STARD4: variants seen among roughly 807,000 people sequenced by gnomAD.
STARD4 encodes StAR related lipid transfer domain containing 4.
Under a neutral mutation model 24.9 loss-of-function variants are expected in STARD4, and 33 were observed. The ratio of observed to expected loss-of-function variants is 1.32; its 90% CI spans 1.00 to 1.77. The LOEUF is 1.77. STARD4 is among the 40% of genes most tolerant of loss of function. STARD4 has a pLI of 0.00. For missense variants in STARD4, 238 were observed against 249.3 expected (o/e 0.95, Z 0.31); for synonymous variants, 88 against 77.4 (o/e 1.14, Z -0.72).
chr5:111,512,060 C>G (rs965331693), intron 1 of STARD4, among the ~76,000 whole-genome samples: 3 of 152,216 alleles, frequency 2.0e-5, no homozygotes, highest in Non-Finnish European at 4.4e-5. Flanking sequence ...ACCACCGCCC[C>G]TCTCCCATTT....
At position 111,499,913 on chromosome 5, in the gene STARD4, G is replaced by A. The variant is rs563032310; in HGVS notation, c.591C>T (p.Phe197=). 10 of 1,614,102 alleles carry A rather than the reference G, an allele frequency of 6.2e-6. No individual in the cohort carries two copies. Among genetic ancestry groups the A allele is most frequent in the African/African-American group, 1.3e-5 (1 of 75,034 alleles). ...DTAMASTLTN[F]YGDLRKAL ...ATAAAGCTTTTCGTAAATCACCATA[G>A]AAGTTGGTTAAAGTGCTTGCCATGG... is the stretch of plus-strand genomic sequence containing the variant. The change falls in exon 6 of 6, where the codon TTC becomes TTT. Residue 197 remains phenylalanine, a synonymous_variant. Coordinates refer to ENST00000296632, the MANE Select transcript of STARD4 (RefSeq NM_139164.3).
chr5:111,499,959 G>C lies in STARD4; in HGVS notation c.545C>G (p.Pro182Arg). The C allele has an allele frequency of 6.2e-7, 1 of 1,614,106 alleles. No individual in the cohort carries two copies. The highest frequency in any genetic ancestry group is 1.1e-5 in the South Asian group (1 of 91,080). Residue 182 changes from proline to arginine, a missense_variant, in exon 6 of 6, where the codon CCT becomes CGT. By Grantham distance (103) the Pro-to-Arg change is moderately radical. Coordinates refer to ENST00000296632, the MANE Select transcript of STARD4 (RefSeq NM_139164.3). ...CATGGCTGTATCTACCGCAGACTGA[G>C]GAATCATCCCACGCAGATCTGTCTG... is the stretch of plus-strand genomic sequence containing the variant. ...YIQTDLRGMIPQSAVDTAMAS... is the reference protein window; with the variant it reads ...YIQTDLRGMIRQSAVDTAMAS...
Position 111,501,859 on chromosome 5 carries a change from G to T in STARD4, c.282+103C>A, listed in dbSNP as rs1756474555. On this transcript the variant is annotated intron_variant, in intron 4 of 5. Coordinates refer to ENST00000296632, the MANE Select transcript of STARD4 (RefSeq NM_139164.3). The stretch of plus-strand genomic sequence containing the variant: ...TCGTGACTGCTATTCTCAAAGCAAT[G>T]AATATAAGTGTGTACAAATGCTCAT... 3 of 1,455,936 alleles carry T rather than the reference G, an allele frequency of 2.1e-6. No homozygotes were observed. The South Asian group carries it at 3.8e-5, about 19-fold the overall frequency. 90.2% of individuals were successfully genotyped at this position (1,455,936 alleles called of 1,614,324 possible). A position where few individuals can be genotyped will look rare whatever the true frequency, so the allele number is the denominator to read the frequency against.
chr5:111,512,044 G>A (rs1436972897), intron 1 of STARD4, among the ~76,000 whole-genome samples: 1 of 152,112 alleles, frequency 6.6e-6, no homozygotes, highest in Non-Finnish European at 1.5e-5. Context: ...CAAATCAAGC[G>A]GGATTACCAC....
Position 111,500,986 on chromosome 5 carries a change from A to G in STARD4, c.397+16T>C. On this transcript the variant is annotated intron_variant, in intron 5 of 5. Transcript: ENST00000296632. ...AAACCATACTGAAAAAAAGCATAAC[A>G]TGTTGAGATTATTACCACAAGATAA... is the stretch of plus-strand genomic sequence containing the variant. 6.2e-7 allele frequency: 1 copy of G among 1,613,812 alleles called. No individual in the cohort carries two copies. Among genetic ancestry groups the G allele is most frequent in the South Asian group, 1.1e-5 (1 of 91,058 alleles).
chr5:111,509,426 A>G (rs893835715), intron 1 of STARD4, among the ~76,000 whole-genome samples: 1 of 152,146 alleles, frequency 6.6e-6, no homozygotes, highest in Non-Finnish European at 1.5e-5. Flanking sequence ...TGCAACTTTA[A>G]GGTACTTGAC....
intron 1 of STARD4, among the ~76,000 whole-genome samples, chr5:111,511,708 C>G (rs1294624060): frequency 6.6e-6 from 1 of 152,196 alleles, no homozygotes; most frequent in Non-Finnish European, 1.5e-5. Flanking sequence ...ACTGTGGAAG[C>G]TGATCACAGG....
At chr5:111,500,735 C>T in intron 5 of STARD4, 1 of 1,407,348 alleles carries the variant, frequency 7.1e-7, no homozygotes, top group Non-Finnish European at 9.2e-7. Flanking sequence ...TTTACTAGAA[C>T]CCTTTCTTAG....
At chr5:111,501,256 C>A in intron 4 of STARD4, 140 bp from the exon 5 acceptor site, 1 of 953,962 alleles carries the variant, frequency 1.0e-6, no homozygotes, top group Non-Finnish European at 1.5e-6. Flanking sequence ...CTGATTCTGA[C>A]AGGTCTAGAT....
intron 3 of STARD4, among the ~76,000 whole-genome samples, chr5:111,503,377 T>TC (rs1215034658): frequency 6.6e-6 from 1 of 152,202 alleles, no homozygotes; most frequent in African/African-American, 2.4e-5. Context: ...ATGCCTGTAA[T>TC]CCCAGCACTT....
chr5:111,504,522 C>T lies in STARD4; in HGVS notation c.155+1808G>A, dbSNP rs1756702248. Among the ~76,000 whole-genome samples, 3 of 151,956 alleles carry T rather than the reference C, an allele frequency of 2.0e-5. No individual in the cohort carries two copies. The South Asian group carries it at 6.2e-4, about 32-fold the overall frequency. On this transcript the variant is annotated intron_variant, in intron 3 of 5. Transcript: ENST00000296632. ...CAAAGTATGAAACAGGAACAACACA[C>T]ATAACTTCAGGACAGCAGTTACTTC... is the stretch of plus-strand genomic sequence containing the variant.
At chr5:111,508,097 A>G (rs1756998666) in intron 1 of STARD4, among the ~76,000 whole-genome samples, 1 of 152,158 alleles carries the variant, frequency 6.6e-6, no homozygotes, top group South Asian at 2.1e-4. Flanking sequence ...CTAGATCCCA[A>G]ATCTTAGCAT....
At position 111,507,353 on chromosome 5, in the gene STARD4, A is replaced by G; in HGVS notation, c.81T>C (p.Asp27=). The change falls in exon 2 of 6, where the codon GAT becomes GAC. Residue 27 remains aspartate (D), a synonymous_variant. Coordinates refer to ENST00000296632, the MANE Select transcript of STARD4 (RefSeq NM_139164.3). This position sits in a 1 kb window ranked among gnomAD's most constrained non-coding sequence, Gnocchi z 4.4. ...CCGTTTTCTTAGCAACTCGCCACTTATCTTCTTCAATGCTATGGTACTGGA... is the reference window on the plus strand; with the variant it reads ...CCGTTTTCTTAGCAACTCGCCACTTGTCTTCTTCAATGCTATGGTACTGGA... ...TLIQYHSIEE[D]KWRVAKKTKD... The G allele has an allele frequency of 1.2e-6, 2 of 1,613,150 alleles. No homozygotes were observed. The highest frequency in any genetic ancestry group is 2.2e-5 in the South Asian group (2 of 90,780).
chr5:111,499,075 G>A lies in STARD4; in HGVS notation c.*811C>T, dbSNP rs1380049066. The A allele has an allele frequency of 6.6e-6, 1 of 152,146 alleles. No homozygotes were observed. Among genetic ancestry groups the A allele is most frequent in the African/African-American group, 2.4e-5 (1 of 41,434 alleles). The allele number at this position is 152,146 out of a possible 1,614,324, so 9.4% of individuals were successfully genotyped here. ...ACAACTAACATTAAACACGGAAATG[G>A]ATTTCGAGATGTGTGCATGTACACA... On this transcript the variant is annotated 3_prime_UTR_variant, in exon 6 of 6. Transcript: ENST00000296632.
intron 3 of STARD4, among the ~76,000 whole-genome samples, chr5:111,504,137 T>A (rs751308135): frequency 6.6e-6 from 1 of 152,208 alleles, no homozygotes; most frequent in Non-Finnish European, 1.5e-5. Flanking sequence ...AAGTTGGTAA[T>A]GTCTAGTAAG....
chr5:111,500,295 G>C (rs900027737), intron 5 of STARD4, 189 bp from the exon 6 acceptor site: 49 of 1,329,688 alleles, frequency 3.7e-5, no homozygotes, highest in Non-Finnish European at 4.6e-5. Flanking sequence ...GAGGTTGGCA[G>C]ATAGGTAATG....
chr5:111,506,760 A>G (rs2112565344), intron 2 of STARD4, among the ~76,000 whole-genome samples: 1 of 152,336 alleles, frequency 6.6e-6, no homozygotes, highest in East Asian at 1.9e-4. Context: ...TAAAAAATTA[A>G]ACAATTCACA....
rs747736361 is a variant in STARD4, at chr5:111,498,748, T to C, written c.*1138A>G. ...ACTATGAGATAATTCACCATGAACATTGTGCTGCTGCCACCTTTTGTTTTT... is the reference window on the plus strand; with the variant it reads ...ACTATGAGATAATTCACCATGAACACTGTGCTGCTGCCACCTTTTGTTTTT... On this transcript the variant is annotated 3_prime_UTR_variant, in exon 6 of 6. Coordinates refer to ENST00000296632, the MANE Select transcript of STARD4 (RefSeq NM_139164.3). The C allele has an allele frequency of 3.9e-5, 6 of 152,292 alleles. No individual in the cohort carries two copies. The highest frequency in any genetic ancestry group is 3.3e-4 in the Admixed American group (5 of 15,282). The allele number at this position is 152,292 out of a possible 1,614,324, so 9.4% of individuals were successfully genotyped here.
In STARD4 at chr5:111,496,790, A is replaced by G. The variant is rs1756121488; in HGVS notation, c.*3096T>C. 1 of 152,046 alleles carries G rather than the reference A, an allele frequency of 6.6e-6. No homozygotes were observed. Among genetic ancestry groups the G allele is most frequent in the South Asian group, 2.1e-4 (1 of 4,826 alleles). 9.4% of individuals were successfully genotyped at this position (152,046 alleles called of 1,614,324 possible). On this transcript the variant is annotated 3_prime_UTR_variant, in exon 6 of 6. Coordinates refer to ENST00000296632, the MANE Select transcript of STARD4 (RefSeq NM_139164.3). ...GGAAAAAAATTCTATTAACTAGGAGATGTTGTACAGATAGAAATCTACAAT... is the reference window on the plus strand; with the variant it reads ...GGAAAAAAATTCTATTAACTAGGAGGTGTTGTACAGATAGAAATCTACAAT...
Sources: allele counts gnomAD v4.1 joint callset (sites outside exome capture counted in the v4.1 genomes callset), GRCh38; gene constraint gnomAD v4.1.1; non-coding constraint Gnocchi (gnomAD v3.1); transcripts MANE v1.5; gene names NCBI Gene and HGNC (gene_info 2026-07-23, HGNC 2026-07-21).